The following PCNP variants were observed in gnomAD, a reference collection of about 807,000 sequenced individuals.
PCNP encodes PEST proteolytic signal-containing nuclear protein.
In PCNP, 6 loss-of-function variants were observed where a neutral mutation model predicts 21.8. That is an observed-to-expected ratio of 0.28 (90% confidence interval 0.15 to 0.54). The LOEUF (loss-of-function observed/expected upper bound fraction) is 0.54. PCNP is among the 20% of genes least tolerant of loss of function. The pLI is 0.95. For synonymous variants in PCNP, 67 were observed against 73.2 expected (o/e 0.92, Z 0.43); for missense variants, 161 against 215.5 (o/e 0.75, Z 1.58).
rs1935930198 is a variant in PCNP at position 101,593,800 on chromosome 3, C to A, written c.*1047C>A. 6.6e-6 allele frequency: 1 copy of A among 152,550 alleles called. No individual in the cohort carries two copies. Among genetic ancestry groups the A allele is most frequent in the South Asian group, 2.1e-4 (1 of 4,826 alleles). 9.4% of individuals were successfully genotyped at this position (152,550 alleles called of 1,614,324 possible). A position where few individuals can be genotyped will look rare whatever the true frequency, so the allele number is the denominator to read the frequency against. On this transcript the variant is annotated 3_prime_UTR_variant, in exon 5 of 5. Coordinates refer to ENST00000265260, the MANE Select transcript of PCNP (RefSeq NM_020357.3). ...TTTATTTTAAATGCGTACATATTGA[C>A]CAATGGCCTCTGAAAAAGCACATTT...
intron 1 of PCNP, 190 bp from the exon 2 acceptor site, chr3:101,579,600 G>A (rs1489199804): frequency 1.4e-6 from 1 of 710,808 alleles, no homozygotes; most frequent in Admixed American, 2.0e-5. Flanking sequence ...TAATTCATGG[G>A]AGCCTCTTCT....
At position 101,579,896 on chromosome 3, in the gene PCNP, A is replaced by T; in HGVS notation, c.171A>T (p.Glu57Asp). ...RSAEKRSAEE[E>D]AADLPTKPTK... ...CTGAGAAGCGATCAGCTGAAGAAGA[A>T]GCTGCCGACCTCCCAACAAAGCCTA... Residue 57 changes from glutamate (E) to aspartate (D), a missense_variant, in exon 2 of 5, where the codon GAA becomes GAT. Glu to Asp is a conservative substitution (Grantham distance 45). Around this residue, in one of 4 missense-constraint regions of PCNP, gnomAD observed 46 missense variants for 39.3 expected, o/e 1.17. Coordinates refer to ENST00000265260, the MANE Select transcript of PCNP (RefSeq NM_020357.3). 6.2e-7 allele frequency: 1 copy of T among 1,613,952 alleles called. No homozygotes were observed. The highest frequency in any genetic ancestry group is 1.3e-5 in the African/African-American group (1 of 75,052).
chr3:101,578,228 T>C (rs1935035885), intron 1 of PCNP, among the ~76,000 whole-genome samples: 1 of 152,214 alleles, frequency 6.6e-6, no homozygotes, highest in African/African-American at 2.4e-5. Flanking sequence ...AAGTAGTTAT[T>C]GTTTGGGCTC....
At chr3:101,576,754 T>A (rs1559955854) in intron 1 of PCNP, 2 of 1,611,528 alleles carry the variant, frequency 1.2e-6, no homozygotes, top group African/African-American at 2.7e-5. Flanking sequence ...GATCACACGT[T>A]CCACCTCATC....
intron 1 of PCNP, among the ~76,000 whole-genome samples, chr3:101,579,237 A>G (rs941732389): frequency 2.0e-5 from 3 of 152,066 alleles, no homozygotes; most frequent in African/African-American, 4.8e-5. Flanking sequence ...TTCCTTTTCA[A>G]CTCCTAAGAT....
rs746351941 is a variant in PCNP at position 101,585,419 on chromosome 3, A to G, written c.280-18A>G. 6.9e-7 allele frequency: 1 copy of G among 1,446,438 alleles called. No individual in the cohort carries two copies. Among genetic ancestry groups the G allele is most frequent in the Non-Finnish European group, 9.6e-7 (1 of 1,040,542 alleles). 89.6% of individuals were successfully genotyped at this position (1,446,438 alleles called of 1,614,324 possible). A position where few individuals can be genotyped will look rare whatever the true frequency, so the allele number is the denominator to read the frequency against. ...ATGTTATCTACATGATATTCTTTTT[A>G]ATATGTTTCTTCTTCAGAAGCCTAA... is the stretch of plus-strand genomic sequence containing the variant. On this transcript the variant is annotated intron_variant, in intron 2 of 4. Transcript: ENST00000265260.
chr3:101,588,200 G>T (rs928612929), intron 3 of PCNP, among the ~76,000 whole-genome samples: 20 of 152,196 alleles, frequency 1.3e-4, no homozygotes, highest in Non-Finnish European at 2.1e-4. Context: ...GAACCCGGGG[G>T]GTGGAGGTTG....
intron 2 of PCNP, among the ~76,000 whole-genome samples, chr3:101,581,045 C>A (rs1462348056): frequency 6.6e-6 from 1 of 152,188 alleles, no homozygotes; most frequent in African/African-American, 2.4e-5. Context: ...TGGTCTGGAG[C>A]AGTCAGTATA....
intron 2 of PCNP, 67 bp from the exon 3 acceptor site, chr3:101,585,370 A>G (rs892627712): frequency 2.2e-6 from 2 of 906,722 alleles, no homozygotes; most frequent in Admixed American, 4.5e-5. Context: ...TAAATTATTC[A>G]TATCATTAAA....
At chr3:101,580,026 G>T (rs1194830581) in intron 2 of PCNP, 22 bp downstream of exon 2, 2 of 1,556,858 alleles carry the variant, frequency 1.3e-6, no homozygotes, top group East Asian at 4.5e-5. Flanking sequence ...TTTCATATAT[G>T]ATGTTTGTAA....
At chr3:101,590,068 G>A (rs1018950571) in intron 3 of PCNP, 147 bp from the exon 4 acceptor site, 1 of 635,462 alleles carries the variant, frequency 1.6e-6, no homozygotes, top group Non-Finnish European at 2.8e-6. Flanking sequence ...TGTAGTTAAG[G>A]TAAATAACTC....
At position 101,579,853 on chromosome 3, in the gene PCNP, A is replaced by G; in HGVS notation, c.128A>G (p.Glu43Gly). Residue 43 changes from glutamate (E) to glycine (G), a missense_variant, in exon 2 of 5, where the codon GAA becomes GGA. Physicochemically the swap from Glu to Gly is moderately conservative, Grantham distance 98. This residue lies in a region of PCNP where 46 missense variants were observed against 39.3 expected (regional missense o/e 1.17). Coordinates refer to ENST00000265260, the MANE Select transcript of PCNP (RefSeq NM_020357.3). Reference protein sequence around the residue: ...TKTVSSSNGGESSSRSAEKRS... With the variant: ...TKTVSSSNGGGSSSRSAEKRS... ...ACTGTTTCTTCCAGTAATGGAGGGGAAAGTTCCAGTCGCAGCGCTGAGAAG... is the reference window on the plus strand; with the variant it reads ...ACTGTTTCTTCCAGTAATGGAGGGGGAAGTTCCAGTCGCAGCGCTGAGAAG... 6.2e-7 allele frequency: 1 copy of G among 1,614,164 alleles called. No individual in the cohort carries two copies. The highest frequency in any genetic ancestry group is 8.5e-7 in the Non-Finnish European group (1 of 1,179,984).
chr3:101,577,529 T>G (rs750119966), intron 1 of PCNP, among the ~76,000 whole-genome samples: 3 of 152,222 alleles, frequency 2.0e-5, no homozygotes, highest in African/African-American at 4.8e-5. Context: ...AGGTAGTTTT[T>G]TCTTCCTTTT....
At position 101,592,968 on chromosome 3, in the gene PCNP, T is replaced by C. The variant is rs1935894906; in HGVS notation, c.*215T>C. ...CAAGACATTTGCTAATTTTGTAGTT[T>C]CATGTGATTAGTTTCCAAAGGTTAC... On this transcript the variant is annotated 3_prime_UTR_variant, in exon 5 of 5. Transcript: ENST00000265260. 1 of 339,134 alleles carries C rather than the reference T, an allele frequency of 2.9e-6. No individual in the cohort carries two copies. The highest frequency in any genetic ancestry group is 5.3e-6 in the Non-Finnish European group (1 of 188,648). The allele number at this position is 339,134 out of a possible 1,614,324, so 21.0% of individuals were successfully genotyped here.
At chr3:101,588,240 C>T (rs1935633950) in intron 3 of PCNP, among the ~76,000 whole-genome samples, 1 of 152,152 alleles carries the variant, frequency 6.6e-6, no homozygotes, top group African/African-American at 2.4e-5. Context: ...CACTGCACTC[C>T]AGCCTGGGCA....
In PCNP at chr3:101,574,273, G is replaced by A; in HGVS notation, c.58G>A (p.Ala20Thr). The change falls in exon 1 of 5, where the codon GCC becomes ACC. Residue 20 changes from alanine to threonine, a missense_variant. By Grantham distance (58) the Ala-to-Thr change is moderately conservative. Transcript: ENST00000265260. ...KPEKSQRAGA[A>T]GGPEEEAEKP... The stretch of plus-strand genomic sequence containing the variant: ...TGAAAAGTCGCAGCGAGCTGGAGCC[G>A]CCGGAGGTGAACACAACCCCAGCGT... 4 of 1,544,946 alleles carry A rather than the reference G, an allele frequency of 2.6e-6. No homozygotes were observed. Among genetic ancestry groups the A allele is most frequent in the Non-Finnish European group, 2.6e-6 (3 of 1,143,358 alleles).
At chr3:101,582,590 A>G (rs576896547) in intron 2 of PCNP, among the ~76,000 whole-genome samples, 8 of 152,390 alleles carry the variant, frequency 5.2e-5, no homozygotes, top group African/African-American at 1.9e-4. Context: ...CCACAACATT[A>G]AATACATGAC....
At chr3:101,577,199 T>G (rs999863431) in intron 1 of PCNP, among the ~76,000 whole-genome samples, 3 of 151,850 alleles carry the variant, frequency 2.0e-5, no homozygotes, top group Admixed American at 1.3e-4. Context: ...AAATTGGTAG[T>G]TTTTTTTTCT....
chr3:101,583,094 G>A (rs911946311), intron 2 of PCNP, among the ~76,000 whole-genome samples: 12 of 152,094 alleles, frequency 7.9e-5, no homozygotes, highest in African/African-American at 2.7e-4. Context: ...TTGGGAGGCT[G>A]AGGCAGGATT....
Sources: gnomAD v4.1 joint callset for allele counts (sites outside exome capture counted in the v4.1 genomes callset) on GRCh38, gnomAD v4.1.1 for gene constraint, gnomAD v4.1.1 regional missense constraint, MANE v1.5 for transcripts, NCBI Gene and HGNC (gene_info 2026-07-23, HGNC 2026-07-21) for gene names.